Variants in ZNF790 observed in about 807,000 individuals in gnomAD.
The protein encoded by ZNF790 is zinc finger protein 790.
In ZNF790, 8 loss-of-function variants were observed where a neutral mutation model predicts 12.1. That is an observed-to-expected ratio of 0.66 (90% CI 0.39 to 1.19). ZNF790 has a LOEUF of 1.19. Ranked by LOEUF, ZNF790 falls within the 50% of genes most tolerant of loss-of-function variation. The pLI is 0.01. For missense variants in ZNF790, 707 were observed against 752.2 expected (o/e 0.94, Z 0.70); for synonymous variants, 252 against 244.3 (o/e 1.03, Z -0.29).
intron 4 of ZNF790, 123 bp downstream of exon 4, chr19:36,823,162 G>T: frequency 1.3e-6 from 1 of 785,424 alleles, no homozygotes; most frequent in Non-Finnish European, 2.0e-6. Flanking sequence ...ACCACACCCG[G>T]CCCATTTTTT....
chr19:36,841,754 AG>A (rs1462275071), upstream of ZNF790, among the ~76,000 whole-genome samples: 1 of 149,336 alleles, frequency 6.7e-6, no homozygotes, highest in African/African-American at 2.5e-5. Context: ...GTGGTAAGGC[AG>A]GGAGAATTGC....
intron 1 of ZNF790, chr19:36,827,685 A>C (rs2071859758): frequency 6.6e-6 from 1 of 152,076 alleles, no homozygotes; most frequent in African/African-American, 2.4e-5. Flanking sequence ...GGTGAGGGGG[A>C]TCTCCTAGCA....
upstream of ZNF790, among the ~76,000 whole-genome samples, chr19:36,838,930 C>A (rs1217673934): frequency 6.6e-6 from 1 of 152,184 alleles, no homozygotes; most frequent in African/African-American, 2.4e-5. This position sits in a 1 kb window ranked among gnomAD's most constrained non-coding sequence, Gnocchi z 4.4. Flanking sequence ...CCCACAAGTA[C>A]CAGCCTGGGA....
At chr19:36,840,673 G>A (rs1393534804), upstream of ZNF790, among the ~76,000 whole-genome samples, 1 of 152,186 alleles carries the variant, frequency 6.6e-6, no homozygotes, top group Non-Finnish European at 1.5e-5. Context: ...TGAAATTCAA[G>A]TTCTAGATGC....
intron 2 of ZNF790, among the ~76,000 whole-genome samples, chr19:36,824,028 G>A (rs923557372): frequency 2.4e-5 from 3 of 127,640 alleles, no homozygotes; most frequent in Non-Finnish European, 4.7e-5. Context: ...CAAGAGTCTC[G>A]CTCTGTCGCC....
At position 36,819,853 on chromosome 19, in the gene ZNF790, T is replaced by G. The variant is rs1266766376; in HGVS notation, c.491A>C (p.Asn164Thr). 1.9e-6 allele frequency: 3 copies of G among 1,614,060 alleles called. No individual in the cohort carries two copies. Among genetic ancestry groups the G allele is most frequent in the Non-Finnish European group, 2.5e-6 (3 of 1,180,002 alleles). ...HTVFNLHQRL[N>T]TGDKLNEFKE... ...AAATTCATTCAGTTTGTCTCCTGTA[T>G]TAAGTCTCTGGTGTAGATTAAACAC... is the stretch of plus-strand genomic sequence containing the variant. The change falls in exon 5 of 5, where the codon AAT (asparagine) becomes ACT (threonine). Residue 164 changes from asparagine (N) to threonine (T), a missense_variant. Physicochemically the swap from Asn to Thr is moderately conservative, Grantham distance 65 (BLOSUM62 0). Transcript: ENST00000356725.
chr19:36,844,583 A>C (rs1160727444), intron 1 of ZNF790, among the ~76,000 whole-genome samples: 2 of 152,144 alleles, frequency 1.3e-5, no homozygotes, highest in African/African-American at 4.8e-5. Flanking sequence ...GGAATTTCCC[A>C]AAACCGATTA....
rs776340896 is a variant in ZNF790 at position 36,819,824 on chromosome 19, C to G, written c.520G>C (p.Glu174Gln). 1 of 1,613,590 alleles carries G rather than the reference C, an allele frequency of 6.2e-7. No individual in the cohort carries two copies. Among genetic ancestry groups the G allele is most frequent in the South Asian group, 1.1e-5 (1 of 91,066 alleles). ...CCAGAAATAAAGGCTTTCCCCAGTT[C>G]TTTAAATTCATTCAGTTTGTCTCCT... is the stretch of plus-strand genomic sequence containing the variant. ...NTGDKLNEFKELGKAFISGSD... is the reference protein window; with the variant it reads ...NTGDKLNEFKQLGKAFISGSD... The change falls in exon 5 of 5, where the codon GAA becomes CAA. Residue 174 changes from glutamate to glutamine, a missense_variant. Transcript: ENST00000356725.
chr19:36,820,037 T>A lies in ZNF790; in HGVS notation c.307A>T (p.Ile103Leu), dbSNP rs1053295128. ...IFEREIAQLEIMRICKNHSLD... is the reference protein window; with the variant it reads ...IFEREIAQLELMRICKNHSLD... ...CTGTGGTTTTTACAAATTCTCATTA[T>A]TTCCAATTGGGCTATTTCTCTCTCA... Residue 103 changes from isoleucine (I) to leucine (L), a missense_variant, in exon 5 of 5, where the codon ATA becomes TTA. Transcript: ENST00000356725. 3.1e-6 allele frequency: 5 copies of A among 1,613,152 alleles called. No homozygotes were observed. In the East Asian group the frequency reaches 1.1e-4, roughly 36 times the overall value.
At chr19:36,847,548 G>A (rs959646876) in intron 1 of ZNF790, among the ~76,000 whole-genome samples, 6 of 149,178 alleles carry the variant, frequency 4.0e-5, no homozygotes, top group African/African-American at 7.4e-5. Context: ...TCAGGAGTTC[G>A]AGACAAGCCT....
chr19:36,827,141 C>CACACACACATATATATATAT (rs1313807327), intron 1 of ZNF790, among the ~76,000 whole-genome samples: 3 of 84,444 alleles, frequency 3.6e-5, no homozygotes, highest in African/African-American at 1.1e-4. Context: ...CACACACACA[C>CACACACACATATATATATAT]ATATATATAT....
intron 1 of ZNF790, among the ~76,000 whole-genome samples, chr19:36,833,037 C>T (rs1468472720): frequency 6.7e-6 from 1 of 150,236 alleles, no homozygotes; most frequent in African/African-American, 2.4e-5. Context: ...AATTAAATTT[C>T]AACATACAAG....
chr19:36,834,295 G>A (rs1034337313), intron 1 of ZNF790, among the ~76,000 whole-genome samples: 12 of 145,632 alleles, frequency 8.2e-5, no homozygotes, highest in East Asian at 2.0e-4. Flanking sequence ...CAAACCTTAC[G>A]CTAGGAGACG....
chr19:36,819,894 A>T lies in ZNF790; in HGVS notation c.450T>A (p.Thr150=), dbSNP rs370052199. 8.1e-5 allele frequency: 131 copies of T among 1,614,060 alleles called. No individual in the cohort carries two copies. Among genetic ancestry groups the T allele is most frequent in the Admixed American group, 1.3e-4 (8 of 60,006 alleles). The change falls in exon 5 of 5, where the codon ACT becomes ACA. Residue 150 remains threonine, a synonymous_variant. Transcript: ENST00000356725. ...QVIRTCEKRP[T]FNQHTVFNLH... ...GATTAAACACTGTATGCTGGTTAAA[A>T]GTGGGCCTTTTTTCACAGGTGCGTA...
intron 1 of ZNF790, among the ~76,000 whole-genome samples, chr19:36,844,965 G>A (rs546724359): frequency 2.2e-3 from 308 of 138,798 alleles, no homozygotes; most frequent in Non-Finnish European, 3.6e-3. Context: ...GGAGAATGGC[G>A]TGAACCCGGG....
chr19:36,833,953 A>G (rs924778012), intron 1 of ZNF790, among the ~76,000 whole-genome samples: 1 of 152,178 alleles, frequency 6.6e-6, no homozygotes, highest in African/African-American at 2.4e-5. Context: ...ATCAGAAAAG[A>G]GTGAATGGGC....
Position 36,819,718 on chromosome 19 carries a change from G to T in ZNF790, c.626C>A (p.Pro209His). The T allele has an allele frequency of 6.2e-7, 1 of 1,613,546 alleles. No homozygotes were observed. Among genetic ancestry groups the T allele is most frequent in the Non-Finnish European group, 8.5e-7 (1 of 1,179,740 alleles). ...CTGATATTGAATAACTTCTGAATCA[G>T]GAAGAAAGGTATTCCCACATTCTTT... ...GDKECGNTFL[P>H]DSEVIQYQTV... Residue 209 changes from proline to histidine, a missense_variant, in exon 5 of 5, where the codon CCT (proline) becomes CAT (histidine). Physicochemically the swap from Pro to His is moderately conservative, Grantham distance 77 (BLOSUM62 -2). Coordinates refer to ENST00000356725, the MANE Select transcript of ZNF790 (RefSeq NM_206894.4).
At chr19:36,820,442 C>T (rs2146013064) in intron 4 of ZNF790, among the ~76,000 whole-genome samples, 1 of 152,184 alleles carries the variant, frequency 6.6e-6, no homozygotes, top group Admixed American at 6.5e-5. Context: ...TGATGAATGT[C>T]TTATATAATT....
At position 36,825,791 on chromosome 19, in the gene ZNF790, C is replaced by CTGA. The variant is rs2146036527; in HGVS notation, c.-73-102_-73-100dup. The CTGA allele has an allele frequency of 9.9e-6, 7 of 706,118 alleles. 1 individual carries two copies. In the South Asian group the frequency reaches 1.2e-4, roughly 12 times the overall value. 43.7% of individuals were successfully genotyped at this position (706,118 alleles called of 1,614,324 possible). A position where few individuals can be genotyped will look rare whatever the true frequency, so the allele number is the denominator to read the frequency against. Reference sequence around the variant, plus strand: ...TCCTTGGAGGTAAGTCAGAAGGAACCTGAAGAAATCCTGGCCCTATCCAAA... The same window carrying CTGA: ...TCCTTGGAGGTAAGTCAGAAGGAACCTGATGAAGAAATCCTGGCCCTATCCAAA... On this transcript the variant is annotated intron_variant, in intron 1 of 4. Coordinates refer to ENST00000356725, the MANE Select transcript of ZNF790 (RefSeq NM_206894.4).
Sources: gnomAD v4.1 joint callset for allele counts (sites outside exome capture counted in the v4.1 genomes callset) on GRCh38, gnomAD v4.1.1 for gene constraint, Gnocchi (gnomAD v3.1) non-coding constraint, MANE v1.5 for transcripts, NCBI Gene and HGNC (gene_info 2026-07-23, HGNC 2026-07-21) for gene names.